Variants in KDM4A observed in about 807,000 individuals in gnomAD.
KDM4A encodes the protein lysine-specific demethylase 4A.
Under a neutral mutation model 127.1 loss-of-function variants are expected in KDM4A, and 23 were observed. That is an observed-to-expected ratio of 0.18 (90% CI 0.13 to 0.26). The LOEUF is 0.26. Ranked by LOEUF, KDM4A falls within the 10% of genes least tolerant of loss-of-function variation. KDM4A has a pLI of 1.00. For synonymous variants in KDM4A, 443 were observed against 466.5 expected (o/e 0.95, Z 0.65); for missense variants, 890 against 1,329.1 (o/e 0.67, Z 5.14).
intron 12 of KDM4A, among the ~76,000 whole-genome samples, chr1:43,684,941 A>G (rs1480657964): frequency 6.6e-6 from 1 of 152,150 alleles, no homozygotes; most frequent in Non-Finnish European, 1.5e-5. Context: ...CTGTGAAGCT[A>G]TGAGGATGGT....
At chr1:43,660,069 C>T (rs1660336121) in intron 3 of KDM4A, among the ~76,000 whole-genome samples, 1 of 152,170 alleles carries the variant, frequency 6.6e-6, no homozygotes, top group Non-Finnish European at 1.5e-5. Flanking sequence ...TTAAGGAAGA[C>T]CGGTTTACAT....
At position 43,688,379 on chromosome 1, in the gene KDM4A, G is replaced by C. The variant is rs556456936; in HGVS notation, c.1856-535G>C. On this transcript the variant is annotated intron_variant, in intron 12 of 21. Coordinates refer to ENST00000372396, the MANE Select transcript of KDM4A (RefSeq NM_014663.3). The surrounding 1 kb of genome is among the most constrained non-coding windows in gnomAD (Gnocchi z 4.4). Reference sequence around the variant, plus strand: ...GGTTGGGGAGCCTTGTCCAGAATAGGTACATACTGCTGACCTTTCCAGAGG... The same window carrying C: ...GGTTGGGGAGCCTTGTCCAGAATAGCTACATACTGCTGACCTTTCCAGAGG... 6.6e-6 allele frequency among the ~76,000 whole-genome samples: 1 copy of C among 152,274 alleles called. No homozygotes were observed. The highest frequency in any genetic ancestry group is 2.1e-4 in the South Asian group (1 of 4,816).
chr1:43,658,131 C>T (rs1341867982), intron 3 of KDM4A, among the ~76,000 whole-genome samples: 1 of 147,322 alleles, frequency 6.8e-6, no homozygotes, highest in Non-Finnish European at 1.5e-5. Flanking sequence ...AGTGCAGTGG[C>T]ACAATCTCAC....
chr1:43,652,713 C>G (rs1300742139), intron 1 of KDM4A, among the ~76,000 whole-genome samples: 1 of 138,124 alleles, frequency 7.2e-6, no homozygotes. Context: ...CGGAGTTTCG[C>G]TCTTGTTGCC....
Position 43,688,316 on chromosome 1 carries a change from G to A in KDM4A, c.1856-598G>A, listed in dbSNP as rs2154048377. The stretch of plus-strand genomic sequence containing the variant: ...AGGCATCACATCTTGTGGCTGGGAA[G>A]AGGATTCATCTTGGACATGTAGCTC... On this transcript the variant is annotated intron_variant, in intron 12 of 21. Coordinates refer to ENST00000372396, the MANE Select transcript of KDM4A (RefSeq NM_014663.3). This position sits in a 1 kb window ranked among gnomAD's most constrained non-coding sequence, Gnocchi z 4.4. Among the ~76,000 whole-genome samples, 1 of 152,214 alleles carries A rather than the reference G, an allele frequency of 6.6e-6. No individual in the cohort carries two copies. Among genetic ancestry groups the A allele is most frequent in the East Asian group, 1.9e-4 (1 of 5,202 alleles).
In KDM4A at chr1:43,666,515, C is replaced by T; in HGVS notation, c.737C>T (p.Ser246Phe). The T allele has an allele frequency of 6.2e-7, 1 of 1,614,176 alleles. No homozygotes were observed. Among genetic ancestry groups the T allele is most frequent in the Non-Finnish European group, 8.5e-7 (1 of 1,180,012 alleles). Residue 246 changes from serine to phenylalanine, a missense_variant, in exon 7 of 22, where the codon TCC becomes TTC. Coordinates refer to ENST00000372396, the MANE Select transcript of KDM4A (RefSeq NM_014663.3). Reference protein sequence around the residue: ...AFLRHKMTLISPLMLKKYGIP... With the variant: ...AFLRHKMTLIFPLMLKKYGIP... ...CTCCGCCACAAGATGACCCTGATTT[C>T]CCCGTTAATGCTGAAGAAATATGGA...
rs1661170894 is a variant in KDM4A at position 43,693,505 on chromosome 1, T to C, written c.2376-489T>C. ...CAGACCTTAAAGATTAAAGAGTGAG[T>C]CAGCTATGGAAAAAGGGAGCAGAAG... is the stretch of plus-strand genomic sequence containing the variant. On this transcript the variant is annotated intron_variant, in intron 16 of 21. Transcript: ENST00000372396. The surrounding 1 kb of genome is among the most constrained non-coding windows in gnomAD (Gnocchi z 4.2). Among the ~76,000 whole-genome samples, 2 of 152,006 alleles carry C rather than the reference T, an allele frequency of 1.3e-5. No individual in the cohort carries two copies. The highest frequency in any genetic ancestry group is 1.3e-4 in the Admixed American group (2 of 15,250).
intron 3 of KDM4A, among the ~76,000 whole-genome samples, chr1:43,657,546 C>T (rs909295074): frequency 3.8e-4 from 58 of 152,102 alleles, no homozygotes; most frequent in African/African-American, 1.2e-3. Flanking sequence ...ACCTGCTGAC[C>T]GATGAGAGAA....
intron 18 of KDM4A, among the ~76,000 whole-genome samples, chr1:43,695,715 G>C (rs1215736612): frequency 1.3e-5 from 2 of 152,226 alleles, no homozygotes; most frequent in African/African-American, 4.8e-5. Flanking sequence ...AAACCAGTTA[G>C]TCCAGGAGAG....
intron 6 of KDM4A, among the ~76,000 whole-genome samples, chr1:43,665,954 G>A (rs1009529881): frequency 6.6e-6 from 1 of 152,188 alleles, no homozygotes; most frequent in Non-Finnish European, 1.5e-5. Context: ...GTTTTAATGA[G>A]CAGGGGTGTT....
At chr1:43,703,111 T>G (rs1311976484) in intron 19 of KDM4A, among the ~76,000 whole-genome samples, 1 of 151,802 alleles carries the variant, frequency 6.6e-6, no homozygotes, top group Non-Finnish European at 1.5e-5. Context: ...CCTGGCTAAT[T>G]TTTTGCATTT....
intron 11 of KDM4A, among the ~76,000 whole-genome samples, chr1:43,681,036 A>T (rs1341802694): frequency 6.6e-6 from 1 of 151,932 alleles, no homozygotes; most frequent in Admixed American, 6.6e-5. Context: ...TCTAGAGGAA[A>T]TTTCCTTCTC....
chr1:43,666,818 T>C, intron 7 of KDM4A, 136 bp from the exon 8 acceptor site: 1 of 836,542 alleles, frequency 1.2e-6, no homozygotes, highest in Non-Finnish European at 1.9e-6. Flanking sequence ...CTTTGCATTT[T>C]ATAGAAGACA....
intron 3 of KDM4A, among the ~76,000 whole-genome samples, chr1:43,657,730 T>G: frequency 6.6e-6 from 1 of 151,432 alleles, no homozygotes; most frequent in Non-Finnish European, 1.5e-5. Flanking sequence ...TTTTCCCTTT[T>G]TGTTAAGGCT....
chr1:43,669,939 G>GATC (rs1404014970), intron 10 of KDM4A, among the ~76,000 whole-genome samples: 1 of 152,204 alleles, frequency 6.6e-6, no homozygotes, highest in Non-Finnish European at 1.5e-5. Flanking sequence ...TTACAGGCGT[G>GATC]AGCCACTGTT....
At chr1:43,675,304 A>G (rs757899549) in intron 11 of KDM4A, among the ~76,000 whole-genome samples, 1 of 152,202 alleles carries the variant, frequency 6.6e-6, no homozygotes, top group Non-Finnish European at 1.5e-5. Context: ...TGTGCCTTCA[A>G]GGAGCTCACA....
chr1:43,671,698 T>C lies in KDM4A; in HGVS notation c.1557T>C (p.Asp519=), dbSNP rs557915054. 6.2e-7 allele frequency: 1 copy of C among 1,613,238 alleles called. No homozygotes were observed. The highest frequency in any genetic ancestry group is 1.1e-5 in the South Asian group (1 of 90,848). The part of the protein sequence containing the change: ...SSSLGSGSSR[D]SISSDSETSE... ...GCCTGGGCTCTGGCTCTTCACGGGA[T>C]TCTATCTCTTCTGATTCAGAAACTA... is the stretch of plus-strand genomic sequence containing the variant. Residue 519 remains aspartate, a synonymous_variant, in exon 11 of 22, where the codon GAT becomes GAC. Transcript: ENST00000372396.
chr1:43,700,531 T>G (rs970979534), intron 19 of KDM4A, among the ~76,000 whole-genome samples: 21 of 152,126 alleles, frequency 1.4e-4, no homozygotes, highest in Admixed American at 2.0e-4. Context: ...TTGTTTGTTT[T>G]AAGAGATGAT....
chr1:43,675,002 C>T lies in KDM4A; in HGVS notation c.1734+3127C>T, dbSNP rs114835194. Among the ~76,000 whole-genome samples the T allele has an allele frequency of 4.5e-3, 687 of 152,288 alleles. 7 individuals are homozygous for T. Among genetic ancestry groups the T allele is most frequent in the African/African-American group, 0.016 (666 of 41,554 alleles). On this transcript the variant is annotated intron_variant, in intron 11 of 21. Coordinates refer to ENST00000372396, the MANE Select transcript of KDM4A (RefSeq NM_014663.3). ...AGGACTCCTTCCGTGTGGAAGTGTGCTAGGGGAAGGGGTCTTCTCTCTGAC... is the reference window on the plus strand; with the variant it reads ...AGGACTCCTTCCGTGTGGAAGTGTGTTAGGGGAAGGGGTCTTCTCTCTGAC...
Sources: gnomAD v4.1 joint callset for allele counts (sites outside exome capture counted in the v4.1 genomes callset) on GRCh38, gnomAD v4.1.1 for gene constraint, Gnocchi (gnomAD v3.1) non-coding constraint, MANE v1.5 for transcripts, NCBI Gene and HGNC (gene_info 2026-07-23, HGNC 2026-07-21) for gene names.